The following SARDH variants were observed in gnomAD, a reference collection of about 807,000 sequenced individuals.
The protein encoded by SARDH is sarcosine dehydrogenase, mitochondrial.
SARDH carries 95 observed loss-of-function variants against 109.1 expected under a neutral mutation model. The observed-to-expected ratio is 0.87, with a 90% CI of 0.74 to 1.03. The LOEUF is 1.03. Ranked by LOEUF, SARDH falls within the 50% of genes least tolerant of loss-of-function variation. The pLI is 0.00. For missense variants in SARDH, 1,267 were observed against 1,287.8 expected (o/e 0.98, Z 0.25); for synonymous variants, 572 against 534.8 (o/e 1.07, Z -0.96).
At chr9:133,695,914 GC>G (rs1831269791) in intron 14 of SARDH, among the ~76,000 whole-genome samples, 1 of 152,176 alleles carries the variant, frequency 6.6e-6, no homozygotes, top group South Asian at 2.1e-4. Context: ...GGGGGACTGG[GC>G]CCCACAGTCC....
intron 17 of SARDH, among the ~76,000 whole-genome samples, chr9:133,681,866 G>A (rs1830706503): frequency 6.6e-6 from 1 of 152,148 alleles, no homozygotes; most frequent in South Asian, 2.1e-4. Flanking sequence ...CCCCACGATC[G>A]CGCACGCCAG....
chr9:133,715,999 G>A (rs1003203442), intron 8 of SARDH, among the ~76,000 whole-genome samples: 3 of 152,240 alleles, frequency 2.0e-5, no homozygotes, highest in Admixed American at 2.0e-4. Flanking sequence ...CTACCAGGAA[G>A]CAGTGGGGAA....
At chr9:133,701,950 T>C (rs1250552746) in intron 13 of SARDH, among the ~76,000 whole-genome samples, 2 of 152,182 alleles carry the variant, frequency 1.3e-5, no homozygotes, top group African/African-American at 4.8e-5. Context: ...AGCGGGGCCC[T>C]TCAAGGCAAC....
At chr9:133,683,419 C>T (rs761229808) in intron 17 of SARDH, among the ~76,000 whole-genome samples, 1 of 152,232 alleles carries the variant, frequency 6.6e-6, no homozygotes, top group Non-Finnish European at 1.5e-5. Flanking sequence ...ACCCGCAGCC[C>T]CCCTCCCCTT....
chr9:133,725,796 C>T (rs1046861307), intron 6 of SARDH: 3 of 225,618 alleles, frequency 1.3e-5, no homozygotes, highest in Non-Finnish European at 2.7e-5. Flanking sequence ...GTTTAGAAAG[C>T]AAGCAGGCAT....
At chr9:133,713,221 G>A (rs1831996103) in intron 8 of SARDH, 97 bp from the exon 9 acceptor site, 2 of 1,079,174 alleles carry the variant, frequency 1.9e-6, no homozygotes, top group Admixed American at 2.2e-5. Flanking sequence ...AGGGTCTGCA[G>A]GGGCCCCTCC....
downstream of SARDH, among the ~76,000 whole-genome samples, chr9:133,661,772 C>A (rs186206905): frequency 2.6e-5 from 4 of 152,162 alleles, no homozygotes; most frequent in African/African-American, 4.8e-5. Context: ...TCAGTCACTG[C>A]GCCCGGCCAG....
chr9:133,739,010 C>A (rs575052112), upstream of SARDH, among the ~76,000 whole-genome samples: 1 of 152,188 alleles, frequency 6.6e-6, no homozygotes, highest in African/African-American at 2.4e-5. Context: ...CAGCAGTGCC[C>A]AGGGAGGGGG....
At chr9:133,714,895 C>G (rs114186124) in intron 8 of SARDH, among the ~76,000 whole-genome samples, 1,555 of 152,294 alleles carry the variant, frequency 0.01, 29 homozygotes, top group African/African-American at 0.036. Context: ...TCTGAACAAC[C>G]TCACAGGGAA....
At chr9:133,719,971 C>T (rs575488579) in intron 6 of SARDH, among the ~76,000 whole-genome samples, 14 of 152,126 alleles carry the variant, frequency 9.2e-5, no homozygotes, top group Admixed American at 7.2e-4. Context: ...ATTAGCTGGG[C>T]GTGGTGGCGG....
Position 133,734,154 on chromosome 9 carries a change from G to A in SARDH, c.20C>T (p.Ala7Val). 1 of 1,599,866 alleles carries A rather than the reference G, an allele frequency of 6.3e-7. No individual in the cohort carries two copies. Among genetic ancestry groups the A allele is most frequent in the Non-Finnish European group, 8.5e-7 (1 of 1,173,628 alleles). The change falls in exon 2 of 21, where the codon GCC becomes GTC. Residue 7 changes from alanine to valine, a missense_variant. Physicochemically the swap from Ala to Val is moderately conservative, Grantham distance 64. Coordinates refer to ENST00000439388, the MANE Select transcript of SARDH (RefSeq NM_001134707.2). MASLSRALRVAAAHPRQ... is the reference protein window; with the variant it reads MASLSRVLRVAAAHPRQ... Reference sequence around the variant, plus strand: ...AGGGTGGGCAGCAGCCACACGTAGGGCTCGGCTCAGTGAGGCCATGGGGGC... The same window carrying A: ...AGGGTGGGCAGCAGCCACACGTAGGACTCGGCTCAGTGAGGCCATGGGGGC...
intron 18 of SARDH, 25 bp downstream of exon 18, chr9:133,671,510 C>CGTGCT: frequency 6.4e-7 from 1 of 1,571,446 alleles, no homozygotes; most frequent in Non-Finnish European, 8.7e-7. Flanking sequence ...GCCCCCGCCC[C>CGTGCT]GTGCTGTCCA....
chr9:133,672,170 C>A (rs1830374098), intron 17 of SARDH, among the ~76,000 whole-genome samples: 1 of 152,208 alleles, frequency 6.6e-6, no homozygotes, highest in Non-Finnish European at 1.5e-5. Flanking sequence ...CCCGGCACCC[C>A]TTGGCTTGTG....
At chr9:133,683,584 T>A (rs1242023447) in intron 17 of SARDH, among the ~76,000 whole-genome samples, 1 of 152,134 alleles carries the variant, frequency 6.6e-6, no homozygotes, top group Non-Finnish European at 1.5e-5. Context: ...CAGGCAGCTT[T>A]GCACCACAGA....
intron 16 of SARDH, among the ~76,000 whole-genome samples, chr9:133,689,649 G>A (rs1460705553): frequency 6.6e-5 from 10 of 152,120 alleles, no homozygotes; most frequent in Admixed American, 1.3e-4. Context: ...AAGGGCTACC[G>A]TGGGGATGGG....
chr9:133,670,821 G>A (rs1588378783), intron 18 of SARDH, 69 bp from the exon 19 acceptor site: 11 of 1,470,168 alleles, frequency 7.5e-6, no homozygotes, highest in Non-Finnish European at 9.9e-6. Flanking sequence ...GATGCATGAG[G>A]ATGCTGCCTA....
intron 11 of SARDH, among the ~76,000 whole-genome samples, chr9:133,707,787 C>G (rs888239203): frequency 3.9e-5 from 6 of 152,108 alleles, no homozygotes; most frequent in Non-Finnish European, 5.9e-5. Flanking sequence ...CAGGGGAGGG[C>G]ACAGGGGCAG....
intron 6 of SARDH, among the ~76,000 whole-genome samples, chr9:133,722,512 G>A (rs996642732): frequency 7.2e-5 from 11 of 152,062 alleles, no homozygotes; most frequent in African/African-American, 2.4e-4. Context: ...TTTAGCCAGG[G>A]CAGCAATTAG....
chr9:133,720,964 C>A (rs551775717), intron 6 of SARDH, among the ~76,000 whole-genome samples: 1 of 151,890 alleles, frequency 6.6e-6, no homozygotes, highest in South Asian at 2.1e-4. Flanking sequence ...CATCATCCAG[C>A]GATTAGGCTA....
Sources: gnomAD v4.1 joint callset for allele counts (sites outside exome capture counted in the v4.1 genomes callset) on GRCh38, gnomAD v4.1.1 for gene constraint, MANE v1.5 for transcripts, NCBI Gene and HGNC (gene_info 2026-07-23, HGNC 2026-07-21) for gene names.